The following NBAS variants were observed in gnomAD, a reference collection of about 807,000 sequenced individuals.
The protein encoded by NBAS is NBAS subunit of NRZ tethering complex, also known as NAG/BC035112 fusion.
In NBAS, 219 loss-of-function variants were observed where a neutral mutation model predicts 302.5. That is an observed-to-expected ratio of 0.72 (90% CI 0.65 to 0.81). NBAS has a LOEUF of 0.81. Ranked by LOEUF, NBAS falls within the 30% of genes least tolerant of loss-of-function variation. The pLI, the probability that NBAS is intolerant of heterozygous loss-of-function variation, is 0.00. For synonymous variants in NBAS, 1,118 were observed against 1,021.6 expected (o/e 1.09, Z -1.80); for missense variants, 2,932 against 2,841.6 (o/e 1.03, Z -0.72).
At chr2:15,487,102 A>T (rs1680661456) in intron 12 of NBAS, among the ~76,000 whole-genome samples, 1 of 152,200 alleles carries the variant, frequency 6.6e-6, no homozygotes, top group Non-Finnish European at 1.5e-5. Context: ...AAAAAACAGA[A>T]AGCCAAGGGG....
chr2:15,089,742 C>CTTTTT, the NBAS span, among the ~76,000 whole-genome samples: 2 of 78,796 alleles, frequency 2.5e-5, no homozygotes, highest in Non-Finnish European at 4.7e-5. Flanking sequence ...TGGGTCAGGA[C>CTTTTT]TTTTTTTTTT....
intron 40 of NBAS, among the ~76,000 whole-genome samples, chr2:15,300,113 C>T (rs1212883840): frequency 6.6e-6 from 1 of 152,192 alleles, no homozygotes; most frequent in Non-Finnish European, 1.5e-5. Context: ...CAGGACGATG[C>T]TGCCCTTCAA....
chr2:15,042,185 C>CAGTG, the NBAS span, among the ~76,000 whole-genome samples: 9 of 152,290 alleles, frequency 5.9e-5, no homozygotes, highest in African/African-American at 1.2e-4. Context: ...CCTAGGTGGC[C>CAGTG]AGTGGCCTTT....
intron 4 of NBAS, 22 bp from the exon 5 acceptor site, chr2:15,553,495 G>A: frequency 6.3e-7 from 1 of 1,599,344 alleles, no homozygotes; most frequent in Non-Finnish European, 8.6e-7. Context: ...AAGAAAGAGG[G>A]GGAAGAAAAT....
chr2:14,909,366 T>TAAAAAAAAAAAAAAAAAAA, the NBAS span, among the ~76,000 whole-genome samples: 205 of 78,520 alleles, frequency 2.6e-3, 9 homozygotes, highest in Non-Finnish European at 3.3e-3. Flanking sequence ...GGAGAGTTTC[T>TAAAAAAAAAAAAAAAAAAA]AAAAAAAAAA....
chr2:15,478,353 G>T, intron 12 of NBAS, 64 bp from the exon 13 acceptor site: 1 of 1,203,144 alleles, frequency 8.3e-7, no homozygotes, highest in Non-Finnish European at 1.2e-6. Flanking sequence ...AAATCATCAA[G>T]AACTGTGGAC....
intron 12 of NBAS, among the ~76,000 whole-genome samples, chr2:15,488,250 C>T (rs1680716381): frequency 6.6e-6 from 1 of 152,098 alleles, no homozygotes; most frequent in South Asian, 2.1e-4. Context: ...AAGCTATTTC[C>T]AGTTGAGGAA....
the NBAS span, chr2:14,890,854 CA>C: frequency 1.6e-4 from 25 of 152,804 alleles, no homozygotes; most frequent in Middle Eastern, 2.8e-3. Flanking sequence ...CAAACAACAA[CA>C]AAAAAAAACA....
the NBAS span, among the ~76,000 whole-genome samples, chr2:14,904,102 A>G: frequency 6.6e-6 from 1 of 152,356 alleles, no homozygotes; most frequent in Middle Eastern, 3.4e-3. Context: ...TTTTCCATCT[A>G]GACCACCAGC....
chr2:15,110,759 T>C, the NBAS span, among the ~76,000 whole-genome samples: 7 of 152,134 alleles, frequency 4.6e-5, no homozygotes, highest in African/African-American at 1.7e-4. Flanking sequence ...ACAAATTCCC[T>C]TGTTGACAAG....
At chr2:15,100,960 A>G in the NBAS span, among the ~76,000 whole-genome samples, 1 of 152,244 alleles carries the variant, frequency 6.6e-6, no homozygotes, top group African/African-American at 2.4e-5. Flanking sequence ...ATATCTTCCA[A>G]TTAGTTTGCA....
At chr2:14,822,222 T>C in the NBAS span, among the ~76,000 whole-genome samples, 1 of 152,146 alleles carries the variant, frequency 6.6e-6, no homozygotes, top group African/African-American at 2.4e-5. Flanking sequence ...TGTCCTCCAT[T>C]TTTTTCTTGT....
At chr2:14,793,907 CG>C in the NBAS span, among the ~76,000 whole-genome samples, 2 of 151,862 alleles carry the variant, frequency 1.3e-5, no homozygotes, top group Non-Finnish European at 2.9e-5. Context: ...CAATATTTTA[CG>C]AGTACCGTGA....
chr2:15,255,741 G>A (rs1668564118), intron 44 of NBAS, among the ~76,000 whole-genome samples: 1 of 152,130 alleles, frequency 6.6e-6, no homozygotes, highest in Admixed American at 6.5e-5. Context: ...TAGAGATGAG[G>A]AGTCAGGTTC....
intron 34 of NBAS, among the ~76,000 whole-genome samples, chr2:15,352,458 C>T (rs984845997): frequency 1.3e-5 from 2 of 152,006 alleles, no homozygotes; most frequent in African/African-American, 4.8e-5. Flanking sequence ...AGCTTTAGAG[C>T]AGGAATGAAA....
the NBAS span, among the ~76,000 whole-genome samples, chr2:14,884,014 G>A: frequency 1.7e-3 from 264 of 152,004 alleles, 1 homozygote; most frequent in Non-Finnish European, 3.0e-3. Flanking sequence ...AGAAAGAAAG[G>A]TAAGGAACTT....
chr2:15,448,703 TTAAAA>T lies in NBAS; in HGVS notation c.2339+12493_2339+12497del, dbSNP rs143795775. Among the ~76,000 whole-genome samples, 563 of 152,362 alleles carry T rather than the reference TTAAAA, an allele frequency of 3.7e-3. 2 individuals carry two copies. Among genetic ancestry groups the T allele is most frequent in the African/African-American group, 0.013 (545 of 41,592 alleles). Reference sequence around the variant, plus strand: ...GCACACACTGAGGACAAAACTTTTCTTAAAATAATCCATGTCTTGTCGACAAAATA... The same window carrying T: ...GCACACACTGAGGACAAAACTTTTCTTAATCCATGTCTTGTCGACAAAATA... On this transcript the variant is annotated intron_variant, in intron 21 of 51. Coordinates refer to ENST00000281513, the MANE Select transcript of NBAS (RefSeq NM_015909.4).
intron 48 of NBAS, among the ~76,000 whole-genome samples, chr2:15,190,767 T>C (rs1665314127): frequency 6.6e-6 from 1 of 152,198 alleles, no homozygotes; most frequent in African/African-American, 2.4e-5. Flanking sequence ...AAAGTTTAAG[T>C]TATCCCAACA....
chr2:15,558,295 G>C (rs1018936318), intron 2 of NBAS, among the ~76,000 whole-genome samples: 1 of 152,130 alleles, frequency 6.6e-6, no homozygotes, highest in Admixed American at 6.5e-5. Flanking sequence ...CCACAGACTG[G>C]TACCAGTCCA....
Sources: allele counts gnomAD v4.1 joint callset (sites outside exome capture counted in the v4.1 genomes callset), GRCh38; gene constraint gnomAD v4.1.1; transcripts MANE v1.5; gene names NCBI Gene and HGNC (gene_info 2026-07-23, HGNC 2026-07-21).